Variants in CDCA2 observed in about 807,000 individuals in gnomAD.
CDCA2 encodes cell division cycle-associated protein 2.
Under a neutral mutation model 67.0 loss-of-function variants are expected in CDCA2, and 44 were observed. The ratio of observed to expected loss-of-function variants is 0.66; its 90% CI spans 0.52 to 0.84. The LOEUF (loss-of-function observed/expected upper bound fraction) is 0.84. Among genes scored for constraint, CDCA2 ranks in the 40% least tolerant of loss-of-function variants. The pLI is 0.00. For synonymous variants in CDCA2, 447 were observed against 418.7 expected (o/e 1.07, Z -0.82); for missense variants, 1,253 against 1,203.2 (o/e 1.04, Z -0.61).
intron 4 of CDCA2, 103 bp downstream of exon 4, chr8:25,462,311 A>AT: frequency 7.7e-7 from 1 of 1,296,820 alleles, no homozygotes; most frequent in Non-Finnish European, 1.1e-6. Context: ...CTGGAGGGAG[A>AT]TTTTCTCTGT....
In CDCA2 at chr8:25,488,667, G is replaced by A. The variant is rs370124521; in HGVS notation, c.1649G>A (p.Arg550Lys). Reference protein sequence around the residue: ...RKSQETKCTKRALPKKSQVLK... With the variant: ...RKSQETKCTKKALPKKSQVLK... ...TCTCAAGAAACAAAGTGTACAAAGA[G>A]AGCACTTCCTAAGAAGAGTCAGGTA... Residue 550 changes from arginine to lysine, a missense_variant, in exon 13 of 15, where the codon AGA becomes AAA. Coordinates refer to ENST00000330560, the MANE Select transcript of CDCA2 (RefSeq NM_152562.4). The A allele has an allele frequency of 6.8e-6, 11 of 1,609,566 alleles. No homozygotes were observed. The African/African-American group carries it at 9.4e-5, about 14-fold the overall frequency.
chr8:25,482,204 A>C (rs191317134), intron 8 of CDCA2, among the ~76,000 whole-genome samples: 134 of 152,354 alleles, frequency 8.8e-4, no homozygotes, highest in Non-Finnish European at 1.5e-3. Flanking sequence ...GCAGAAACAC[A>C]CAGGGACAAC....
chr8:25,460,450 C>G lies in CDCA2; in HGVS notation c.128C>G (p.Pro43Arg). ...VTPQKHAELPPNPCTPDTFKS... is the reference protein window; with the variant it reads ...VTPQKHAELPRNPCTPDTFKS... Reference sequence around the variant, plus strand: ...CCTCAGAAGCATGCCGAATTACCTCCTAATCCTTGCACACCAGATACTTTT... The same window carrying G: ...CCTCAGAAGCATGCCGAATTACCTCGTAATCCTTGCACACCAGATACTTTT... Residue 43 changes from proline (P) to arginine (R), a missense_variant, in exon 3 of 15, where the codon CCT becomes CGT. Pro to Arg is a moderately radical substitution (Grantham distance 103). Transcript: ENST00000330560. 4.3e-6 allele frequency: 7 copies of G among 1,614,100 alleles called. No homozygotes were observed. Among genetic ancestry groups the G allele is most frequent in the Non-Finnish European group, 5.9e-6 (7 of 1,179,984 alleles).
intron 7 of CDCA2, among the ~76,000 whole-genome samples, chr8:25,472,855 T>A (rs756547941): frequency 2.7e-4 from 41 of 152,176 alleles, no homozygotes; most frequent in Admixed American, 4.6e-4. Context: ...CATTTTTTTT[T>A]ATGGTGAGAC....
At position 25,460,545 on chromosome 8, in the gene CDCA2, A is replaced by G; in HGVS notation, c.223A>G (p.Asn75Asp). ...LGITPESFVR[N>D]SAGKSSSYLK... ...AATTACACCTGAAAGCTTTGTTAGG[A>G]ACTCTGCAGGTAAGAAAAGTTGTCA... The change falls in exon 3 of 15, where the codon AAC becomes GAC. Residue 75 changes from asparagine (N) to aspartate (D), a missense_variant. Transcript: ENST00000330560. 1 of 1,612,952 alleles carries G rather than the reference A, an allele frequency of 6.2e-7. No homozygotes were observed. Among genetic ancestry groups the G allele is most frequent in the Non-Finnish European group, 8.5e-7 (1 of 1,179,646 alleles).
intron 7 of CDCA2, among the ~76,000 whole-genome samples, chr8:25,475,674 T>G (rs1803320935): frequency 1.3e-5 from 2 of 152,162 alleles, no homozygotes; most frequent in African/African-American, 4.8e-5. Context: ...GCACCCAGGC[T>G]GTGTGGGGAA....
chr8:25,468,465 A>C (rs756711522), intron 6 of CDCA2, 52 bp downstream of exon 6: 1 of 1,498,162 alleles, frequency 6.7e-7, no homozygotes, highest in South Asian at 1.2e-5. Flanking sequence ...TTTTCTGCAT[A>C]GGCAGTTTTA....
chr8:25,470,874 G>A (rs1803125763), intron 7 of CDCA2, among the ~76,000 whole-genome samples: 1 of 151,592 alleles, frequency 6.6e-6, no homozygotes, highest in Non-Finnish European at 1.5e-5. Context: ...CCATTCTTGT[G>A]TTTCAGCCTC....
chr8:25,472,011 G>A (rs1803172856), intron 7 of CDCA2: 1 of 152,258 alleles, frequency 6.6e-6, no homozygotes, highest in Admixed American at 6.5e-5. Context: ...GATGTTCCGA[G>A]ATGGAATCAA....
rs1238800359 is a variant in CDCA2 at position 25,467,056 on chromosome 8, AAAAAAAAAAAC to A, written c.538+733_538+743del. Among the ~76,000 whole-genome samples, 88 of 142,054 alleles carry A rather than the reference AAAAAAAAAAAC, an allele frequency of 6.2e-4. 1 individual carries two copies. Among genetic ancestry groups the A allele is most frequent in the African/African-American group, 2.3e-3 (83 of 36,356 alleles). The allele number at this position is 142,054 out of a possible 152,430, so 93.2% of individuals were successfully genotyped here. A position where few individuals can be genotyped will look rare whatever the true frequency, so the allele number is the denominator to read the frequency against. On this transcript the variant is annotated intron_variant, in intron 5 of 14. Transcript: ENST00000330560. ...GAGTCCCTTTCAAAAAAAAAAAAAA[AAAAAAAAAAAC>A]ACACACACACACACAAATATATCCA...
intron 13 of CDCA2, among the ~76,000 whole-genome samples, chr8:25,497,297 C>G (rs1469895246): frequency 1.3e-5 from 2 of 152,058 alleles, no homozygotes; most frequent in African/African-American, 4.8e-5. Context: ...AACCAAGTTA[C>G]AGACTCAAGC....
intron 13 of CDCA2, among the ~76,000 whole-genome samples, chr8:25,501,024 C>A (rs1804454576): frequency 6.6e-6 from 1 of 152,076 alleles, no homozygotes; most frequent in South Asian, 2.1e-4. Context: ...TTTCTCTTGG[C>A]TTTCAGGTTC....
chr8:25,459,776 C>T (rs1056380439), intron 1 of CDCA2, among the ~76,000 whole-genome samples: 7 of 151,950 alleles, frequency 4.6e-5, no homozygotes, highest in Non-Finnish European at 8.8e-5. Flanking sequence ...TTTAAAAGTA[C>T]GCGCTTAGAG....
intron 14 of CDCA2, among the ~76,000 whole-genome samples, chr8:25,504,954 T>G (rs1273698540): frequency 1.3e-5 from 2 of 152,244 alleles, no homozygotes; most frequent in Non-Finnish European, 2.9e-5. Context: ...TTTCAAAAGA[T>G]GATTAAACAG....
At position 25,470,624 on chromosome 8, in the gene CDCA2, A is replaced by C. The variant is rs923803952; in HGVS notation, c.820+644A>C. Among the ~76,000 whole-genome samples the C allele has an allele frequency of 3.3e-5, 5 of 152,360 alleles. No homozygotes were observed. In the South Asian group the frequency reaches 1.0e-3, roughly 32 times the overall value. On this transcript the variant is annotated intron_variant, in intron 7 of 14. Coordinates refer to ENST00000330560, the MANE Select transcript of CDCA2 (RefSeq NM_152562.4). ...GATATTATACAATTTCACATAAAAT[A>C]CAGAAACTACAAACTCTACAGATCA...
chr8:25,484,477 A>G (rs77165534), intron 10 of CDCA2, among the ~76,000 whole-genome samples: 1,734 of 152,262 alleles, frequency 0.011, 26 homozygotes, highest in African/African-American at 0.038. Flanking sequence ...GAAGACACAA[A>G]TTACCAAAAC....
At chr8:25,499,212 A>G (rs924016307) in intron 13 of CDCA2, among the ~76,000 whole-genome samples, 1 of 152,046 alleles carries the variant, frequency 6.6e-6, no homozygotes, top group Non-Finnish European at 1.5e-5. Context: ...GCCAGCAGAT[A>G]AGTAAGCACC....
intron 13 of CDCA2, among the ~76,000 whole-genome samples, chr8:25,494,123 G>A (rs1169195095): frequency 1.3e-5 from 2 of 152,048 alleles, no homozygotes; most frequent in African/African-American, 2.4e-5. Flanking sequence ...GACACAGATG[G>A]CCCTCTATAT....
chr8:25,504,261 A>G (rs1287056940), intron 14 of CDCA2, among the ~76,000 whole-genome samples: 1 of 151,660 alleles, frequency 6.6e-6, no homozygotes, highest in Admixed American at 6.6e-5. Context: ...TTTTAAATGG[A>G]CTGAATCTTG....
Sources: gnomAD v4.1 joint callset for allele counts (sites outside exome capture counted in the v4.1 genomes callset) on GRCh38, gnomAD v4.1.1 for gene constraint, MANE v1.5 for transcripts, NCBI Gene and HGNC (gene_info 2026-07-23, HGNC 2026-07-21) for gene names.